ZNF652: variants seen among roughly 807,000 people sequenced by gnomAD.
ZNF652 encodes the protein zinc finger protein 652.
ZNF652 carries 16 observed loss-of-function variants against 45.2 expected under a neutral mutation model. The observed-to-expected ratio is 0.35, with a 90% CI of 0.24 to 0.54. ZNF652 has a LOEUF of 0.54. ZNF652 is among the 20% of genes least tolerant of loss of function. The pLI is 0.91. For synonymous variants in ZNF652, 250 were observed against 260.6 expected, an observed-to-expected ratio of 0.96 and a Z score of 0.39; for missense variants, 614 against 765.6, an observed-to-expected ratio of 0.80 and a Z score of 2.34.
intron 1 of ZNF652, among the ~76,000 whole-genome samples, chr17:49,323,362 G>T (rs2069919532): frequency 6.6e-6 from 1 of 152,160 alleles, no homozygotes. Flanking sequence ...TCTAATTCTA[G>T]TTCTGTTGCT....
intron 5 of ZNF652, among the ~76,000 whole-genome samples, chr17:49,304,866 GTATATATA>G (rs1263322761): frequency 7.3e-5 from 9 of 123,638 alleles, no homozygotes; most frequent in African/African-American, 2.8e-4. Context: ...ATACATATAT[GTATATATA>G]TGTGTATATA....
chr17:49,315,040 TTG>T (rs751394648), intron 2 of ZNF652, among the ~76,000 whole-genome samples: 4 of 137,904 alleles, frequency 2.9e-5, no homozygotes, highest in Admixed American at 7.4e-5. Context: ...GGGTTTTAGT[TTG>T]TTTTTTTTTT....
intron 2 of ZNF652, among the ~76,000 whole-genome samples, chr17:49,316,209 T>C (rs1186187037): frequency 6.6e-6 from 1 of 152,272 alleles, no homozygotes; most frequent in Admixed American, 6.5e-5. Context: ...TTAACAATAC[T>C]GTACAGTGGC....
intron 1 of ZNF652, among the ~76,000 whole-genome samples, chr17:49,354,615 A>AAAAAAAAAAC (rs2070315554): frequency 6.6e-6 from 1 of 151,348 alleles, no homozygotes; most frequent in African/African-American, 2.4e-5. Context: ...CGCCTCAAAA[A>AAAAAAAAAAC]AAAAAAACAA....
At chr17:49,355,223 G>C in intron 1 of ZNF652, among the ~76,000 whole-genome samples, 1 of 152,046 alleles carries the variant, frequency 6.6e-6, no homozygotes, top group Non-Finnish European at 1.5e-5. Flanking sequence ...AGTTACATTA[G>C]ATAAAAAACT....
intron 1 of ZNF652, among the ~76,000 whole-genome samples, chr17:49,354,928 G>A (rs1171452194): frequency 1.3e-5 from 2 of 151,924 alleles, no homozygotes; most frequent in Non-Finnish European, 2.9e-5. Context: ...GTTTCTCCAT[G>A]TTGGCCAGGC....
At chr17:49,306,585 T>C (rs1211606678) in intron 5 of ZNF652, among the ~76,000 whole-genome samples, 1 of 152,026 alleles carries the variant, frequency 6.6e-6, no homozygotes, top group Non-Finnish European at 1.5e-5. Context: ...CTGCACCTGG[T>C]CGCAAATAAG....
In ZNF652 at chr17:49,317,266, C is replaced by T. The variant is rs770946812; in HGVS notation, c.460G>A (p.Glu154Lys). 8.9e-5 allele frequency: 144 copies of T among 1,612,748 alleles called. No homozygotes were observed. The highest frequency in any genetic ancestry group is 1.2e-4 in the Non-Finnish European group (138 of 1,180,044). The change falls in exon 2 of 6, where the codon GAA (glutamate) becomes AAA (lysine). Residue 154 changes from glutamate to lysine, a missense_variant. Glu to Lys is a moderately conservative substitution (Grantham distance 56). This residue lies in a region of ZNF652 where 262 missense variants were observed against 306.3 expected (regional missense o/e 0.86). Coordinates refer to ENST00000430262, the MANE Select transcript of ZNF652 (RefSeq NM_001145365.3). ...TPVLKTSSEE[E>K]EEESEEEATD... ...GCCTCTTCCTCACTCTCTTCCTCTT[C>T]CTCCTCACTGCTTGTCTTAAGAACA...
In ZNF652 at chr17:49,317,035, T is replaced by C; in HGVS notation, c.691A>G (p.Lys231Glu). ...CACTTAGCTTTCTGGACTGGTGCTT[T>C]GGGCTCCTTTGTGGCCCGCTTCTTA... ...KRKKRATKEP[K>E]APVQKAKCEE... The change falls in exon 2 of 6, where the codon AAA becomes GAA. Residue 231 changes from lysine (K) to glutamate (E), a missense_variant. Physicochemically the swap from Lys to Glu is moderately conservative, Grantham distance 56. This residue lies in a region of ZNF652 where 262 missense variants were observed against 306.3 expected (regional missense o/e 0.86). Coordinates refer to ENST00000430262, the MANE Select transcript of ZNF652 (RefSeq NM_001145365.3). 1 of 1,614,252 alleles carries C rather than the reference T, an allele frequency of 6.2e-7. No individual in the cohort carries two copies. The highest frequency in any genetic ancestry group is 8.5e-7 in the Non-Finnish European group (1 of 1,180,048).
In ZNF652 at chr17:49,311,999, T is replaced by A; in HGVS notation, c.1092A>T (p.Lys364Asn). ...TGAGTGACATACTGCGTTTGAATGA[T>A]TTTCCACAGGTTTCGCATGTAAATG... ...DMPFTCETCG[K>N]SFKRSMSLKV... The change falls in exon 4 of 6, where the codon AAA becomes AAT. Residue 364 changes from lysine to asparagine, a missense_variant. This residue lies in a region of ZNF652 where 262 missense variants were observed against 306.3 expected (regional missense o/e 0.86). Coordinates refer to ENST00000430262, the MANE Select transcript of ZNF652 (RefSeq NM_001145365.3). 6.2e-7 allele frequency: 1 copy of A among 1,613,978 alleles called. No individual in the cohort carries two copies. Among genetic ancestry groups the A allele is most frequent in the Non-Finnish European group, 8.5e-7 (1 of 1,179,898 alleles).
At chr17:49,351,000 TATATATATATATATACACACAC>T (rs2070269959) in intron 1 of ZNF652, among the ~76,000 whole-genome samples, 1 of 20,368 alleles carries the variant, frequency 4.9e-5, no homozygotes, top group African/African-American at 2.6e-4. Context: ...TATATATATA[TATATATATATATATACACACAC>T]ACACACACAC....
At chr17:49,300,674 T>C (rs1161232334) in intron 5 of ZNF652, among the ~76,000 whole-genome samples, 1 of 152,198 alleles carries the variant, frequency 6.6e-6, no homozygotes, top group Admixed American at 6.5e-5. Context: ...TATCTATAGC[T>C]CGTCTCTTCA....
chr17:49,341,207 GA>G (rs938387553), intron 1 of ZNF652, among the ~76,000 whole-genome samples: 19 of 151,964 alleles, frequency 1.3e-4, no homozygotes, highest in African/African-American at 4.3e-4. Context: ...GACAGAGCGA[GA>G]CTGTCTCAAA....
chr17:49,355,614 T>C (rs2070327528), intron 1 of ZNF652, among the ~76,000 whole-genome samples: 1 of 147,340 alleles, frequency 6.8e-6, no homozygotes, highest in Non-Finnish European at 1.5e-5. Flanking sequence ...AAATAATTAG[T>C]AGTGACCGGG....
intron 1 of ZNF652, among the ~76,000 whole-genome samples, chr17:49,352,978 G>C (rs562000801): frequency 1.6e-4 from 25 of 152,282 alleles, no homozygotes; most frequent in Admixed American, 2.6e-4. Flanking sequence ...GAGGGTATGA[G>C]TGCAATGGGA....
intron 1 of ZNF652, among the ~76,000 whole-genome samples, chr17:49,360,203 A>G (rs1420031024): frequency 3.3e-5 from 5 of 152,224 alleles, no homozygotes; most frequent in Admixed American, 3.3e-4. Context: ...TACATGCATA[A>G]GCTACTTTGT....
chr17:49,342,892 T>G (rs935871281), intron 1 of ZNF652, among the ~76,000 whole-genome samples: 2 of 152,026 alleles, frequency 1.3e-5, no homozygotes, highest in Non-Finnish European at 2.9e-5. Context: ...AGAATTTTTT[T>G]TTTTTTTTTG....
intron 5 of ZNF652, among the ~76,000 whole-genome samples, chr17:49,305,302 C>T (rs777999549): frequency 6.6e-6 from 1 of 152,116 alleles, no homozygotes; most frequent in Non-Finnish European, 1.5e-5. Flanking sequence ...TAATCTCATT[C>T]GTTGCCATTA....
chr17:49,358,732 T>TAGAACAGAA (rs2070363673), intron 1 of ZNF652, among the ~76,000 whole-genome samples: 1 of 152,180 alleles, frequency 6.6e-6, no homozygotes, highest in East Asian at 1.9e-4. Flanking sequence ...TTCCCATACT[T>TAGAACAGAA]AGAACAGAAA....
Sources: gnomAD v4.1 joint callset for allele counts (sites outside exome capture counted in the v4.1 genomes callset) on GRCh38, gnomAD v4.1.1 for gene constraint, gnomAD v4.1.1 regional missense constraint, MANE v1.5 for transcripts, NCBI Gene and HGNC (gene_info 2026-07-23, HGNC 2026-07-21) for gene names.